The following ABTB3 variants were observed in gnomAD, a reference collection of about 807,000 sequenced individuals.
The protein encoded by ABTB3 is ankyrin repeat- and BTB/POZ domain-containing protein 3.
At chr12:107,577,174 G>C in the ABTB3 span, among the ~76,000 whole-genome samples, 1 of 152,212 alleles carries the variant, frequency 6.6e-6, no homozygotes. Context: ...TAGCAACAGA[G>C]ACTGACCTTA....
At chr12:107,624,189 G>A in the ABTB3 span, among the ~76,000 whole-genome samples, 2 of 151,340 alleles carry the variant, frequency 1.3e-5, no homozygotes, top group Non-Finnish European at 2.9e-5. Flanking sequence ...AAGTGTGATC[G>A]GTGGGGTTTT....
chr12:107,591,130 C>A, the ABTB3 span, among the ~76,000 whole-genome samples: 15 of 152,282 alleles, frequency 9.9e-5, 1 homozygote, highest in Admixed American at 7.8e-4. Context: ...TGTGTACATG[C>A]CATTTCATTA....
the ABTB3 span, among the ~76,000 whole-genome samples, chr12:107,638,194 GAGA>G: frequency 7.2e-5 from 11 of 152,148 alleles, no homozygotes; most frequent in African/African-American, 2.4e-4. Context: ...TTTAAAAAAT[GAGA>G]AGAAGTGAGG....
the ABTB3 span, among the ~76,000 whole-genome samples, chr12:107,475,203 C>T: frequency 4.6e-5 from 7 of 152,170 alleles, no homozygotes; most frequent in Admixed American, 1.3e-4. Flanking sequence ...ACAATATCTC[C>T]CTGGACTCGA....
chr12:107,384,531 G>A, the ABTB3 span, among the ~76,000 whole-genome samples: 10 of 152,216 alleles, frequency 6.6e-5, no homozygotes, highest in Non-Finnish European at 1.3e-4. Flanking sequence ...GGTGCCCGAA[G>A]GAAACTTATT....
the ABTB3 span, chr12:107,581,438 G>T: frequency 1.5e-6 from 1 of 676,474 alleles, no homozygotes; most frequent in Non-Finnish European, 2.1e-6. Flanking sequence ...GAGGCTCCCT[G>T]GTTGAAGTGG....
the ABTB3 span, among the ~76,000 whole-genome samples, chr12:107,467,242 G>A: frequency 1.1e-4 from 16 of 152,194 alleles, no homozygotes; most frequent in Non-Finnish European, 2.4e-4. Context: ...GCTGAGGTGG[G>A]CAAGTCATCC....
chr12:107,540,823 C>T, the ABTB3 span, among the ~76,000 whole-genome samples: 1 of 151,804 alleles, frequency 6.6e-6, no homozygotes, highest in African/African-American at 2.4e-5. Context: ...ATCTCCACTA[C>T]AAAAAATTAA....
chr12:107,652,997 C>G, the ABTB3 span, among the ~76,000 whole-genome samples: 1 of 152,192 alleles, frequency 6.6e-6, no homozygotes, highest in Admixed American at 6.5e-5. Context: ...CTGCAACCTC[C>G]TCCTGGGTTC....
the ABTB3 span, among the ~76,000 whole-genome samples, chr12:107,333,286 A>T: frequency 6.6e-6 from 1 of 152,222 alleles, no homozygotes; most frequent in Non-Finnish European, 1.5e-5. Flanking sequence ...AAGCAGAGTG[A>T]GTTCATATGC....
the ABTB3 span, among the ~76,000 whole-genome samples, chr12:107,321,167 G>A: frequency 6.6e-6 from 1 of 152,222 alleles, no homozygotes; most frequent in South Asian, 2.1e-4. Flanking sequence ...TTGGCCAGAG[G>A]TTGCGCGGTT....
At chr12:107,520,219 C>A in the ABTB3 span, 1 of 985,234 alleles carries the variant, frequency 1.0e-6, no homozygotes, top group African/African-American at 1.7e-5. Context: ...GGAGAGGATT[C>A]TGTTTTGTGT....
At chr12:107,372,219 G>A in the ABTB3 span, among the ~76,000 whole-genome samples, 2 of 152,100 alleles carry the variant, frequency 1.3e-5, no homozygotes, top group Non-Finnish European at 2.9e-5. Flanking sequence ...TCTCATTAAG[G>A]CTAAGAGGAC....
At chr12:107,412,147 C>T in the ABTB3 span, among the ~76,000 whole-genome samples, 4,186 of 152,298 alleles carry the variant, frequency 0.027, 80 homozygotes, top group African/African-American at 0.042. Context: ...CTATCAACAA[C>T]AGACATTTAT....
At chr12:107,623,309 T>G in the ABTB3 span, among the ~76,000 whole-genome samples, 1 of 145,144 alleles carries the variant, frequency 6.9e-6, no homozygotes, top group Non-Finnish European at 1.5e-5. Context: ...TCTGCCCACC[T>G]CAGCCTCTCA....
At chr12:107,617,341 C>G in the ABTB3 span, 1 of 1,614,110 alleles carries the variant, frequency 6.2e-7, no homozygotes, top group Non-Finnish European at 8.5e-7. Flanking sequence ...AGCGTGGTGC[C>G]GATCCCCTGA....
chr12:107,417,668 T>C, the ABTB3 span, among the ~76,000 whole-genome samples: 26 of 152,262 alleles, frequency 1.7e-4, 1 homozygote, highest in Non-Finnish European at 1.5e-4. Context: ...TCTTTCAGTG[T>C]CCGCGCATAG....
At chr12:107,540,437 G>GTCTCT in the ABTB3 span, among the ~76,000 whole-genome samples, 1 of 152,144 alleles carries the variant, frequency 6.6e-6, no homozygotes, top group Non-Finnish European at 1.5e-5. Flanking sequence ...TCAAATGCCA[G>GTCTCT]TCTCTTCTGA....
At chr12:107,502,920 G>T in the ABTB3 span, among the ~76,000 whole-genome samples, 1 of 152,114 alleles carries the variant, frequency 6.6e-6, no homozygotes. Flanking sequence ...AAAAAGGCTG[G>T]GGACCGCTAT....
Sources: gnomAD v4.1 joint callset for allele counts (sites outside exome capture counted in the v4.1 genomes callset) on GRCh38, gnomAD v4.1.1 for gene constraint, MANE v1.5 for transcripts, NCBI Gene and HGNC (gene_info 2026-07-23, HGNC 2026-07-21) for gene names.